The following CTNS variants were observed in gnomAD, a reference collection of about 807,000 sequenced individuals.
CTNS encodes cystinosin, lysosomal cystine transporter.
Under a neutral mutation model 43.7 loss-of-function variants are expected in CTNS, and 27 were observed. The ratio of observed to expected loss-of-function variants is 0.62; its 90% CI spans 0.46 to 0.85. CTNS has a LOEUF of 0.85. Among genes scored for constraint, CTNS ranks in the 40% least tolerant of loss-of-function variants. The probability of loss-of-function intolerance (pLI) is 0.00; values close to 1 mark genes in which losing one functional copy is unlikely to be tolerated. For missense variants in CTNS, 457 were observed against 475.4 expected (o/e 0.96, Z 0.36); for synonymous variants, 187 against 190.6 (o/e 0.98, Z 0.16).
At chr17:3,647,582 GC>G (rs2075874822) in intron 4 of CTNS, 60 bp downstream of exon 4, 1 of 1,416,236 alleles carries the variant, frequency 7.1e-7, no homozygotes, top group African/African-American at 1.4e-5. Flanking sequence ...CTGGGTCAGG[GC>G]TGACCCCTGG....
At chr17:3,651,979 AAAAG>A (rs2071438031) in intron 5 of CTNS, among the ~76,000 whole-genome samples, 1 of 121,648 alleles carries the variant, frequency 8.2e-6, no homozygotes, top group African/African-American at 7.1e-5. Context: ...GTCTCAAAAA[AAAAG>A]AAAAGAAAAG....
intron 9 of CTNS, chr17:3,657,495 G>T (rs2076179476): frequency 4.6e-6 from 1 of 217,330 alleles, no homozygotes; most frequent in Admixed American, 5.2e-5. Context: ...AACCTTCTAG[G>T]CTTTCTTAGC....
intron 4 of CTNS, among the ~76,000 whole-genome samples, chr17:3,648,303 A>G (rs2075893472): frequency 6.6e-6 from 1 of 151,982 alleles, no homozygotes; most frequent in Non-Finnish European, 1.5e-5. Flanking sequence ...TCTTACCACA[A>G]CTGTCCAGGC....
intron 10 of CTNS, among the ~76,000 whole-genome samples, chr17:3,658,608 G>A (rs988929597): frequency 3.9e-5 from 6 of 152,208 alleles, no homozygotes; most frequent in Non-Finnish European, 2.9e-5. Context: ...GGGGACTCAG[G>A]GTCCAGCACA....
upstream of CTNS, chr17:3,636,488 C>A (rs1023965026): frequency 4.6e-6 from 2 of 433,924 alleles, no homozygotes; most frequent in Non-Finnish European, 4.1e-6. Context: ...CAATGGAGGG[C>A]GGTCTGAGCT....
At chr17:3,646,073 C>T (rs2075836375) in intron 3 of CTNS, among the ~76,000 whole-genome samples, 1 of 151,998 alleles carries the variant, frequency 6.6e-6, no homozygotes, top group African/African-American at 2.4e-5. Context: ...GCACCTGCTT[C>T]CCCGCCCGGC....
rs1380390999 is a variant in CTNS at position 3,662,014 on chromosome 17, A to ATGAT, written c.*1649_*1652dup. Among the ~76,000 whole-genome samples, 10 of 152,210 alleles carry ATGAT rather than the reference A, an allele frequency of 6.6e-5. No individual in the cohort carries two copies. Among genetic ancestry groups the ATGAT allele is most frequent in the Non-Finnish European group, 1.5e-4 (10 of 68,028 alleles). ...CTACTTTAAAAATCAGAGATTTCAA[A>ATGAT]TGATTGACTTTTCCGGCTGAGTGCG... On this transcript the variant is annotated 3_prime_UTR_variant, in exon 12 of 12. Transcript: ENST00000046640.
At chr17:3,642,147 G>GTCTGCGCGCA (rs2075734815) in intron 3 of CTNS, among the ~76,000 whole-genome samples, 1 of 65,016 alleles carries the variant, frequency 1.5e-5, no homozygotes, top group East Asian at 2.9e-4. Flanking sequence ...CCGGGCGTGT[G>GTCTGCGCGCA]TGTGTGTGTG....
At chr17:3,656,817 C>A (rs370832972) in intron 9 of CTNS, 22 bp downstream of exon 9, 25 of 1,612,484 alleles carry the variant, frequency 1.6e-5, no homozygotes, top group African/African-American at 4.0e-5. Flanking sequence ...CCTGGCCCCC[C>A]ACAGGCCACC....
chr17:3,643,368 C>A (rs992426199), intron 3 of CTNS, among the ~76,000 whole-genome samples: 1 of 151,974 alleles, frequency 6.6e-6, no homozygotes, highest in Non-Finnish European at 1.5e-5. Context: ...AAAATGGGAG[C>A]TCGGTGTATA....
chr17:3,658,795 T>G (rs1022437858), intron 10 of CTNS, among the ~76,000 whole-genome samples: 3 of 152,180 alleles, frequency 2.0e-5, no homozygotes, highest in Admixed American at 6.5e-5. Context: ...GAGGCAGGAC[T>G]GGACTCTTAG....
At chr17:3,655,125 G>A (rs1234746006) in intron 6 of CTNS, 24 bp downstream of exon 6, 1 of 1,613,650 alleles carries the variant, frequency 6.2e-7, no homozygotes, top group East Asian at 2.2e-5. Context: ...AGGGTGTGCG[G>A]GCCTCACGTG....
chr17:3,656,452 C>T (rs746276803), intron 7 of CTNS, 35 bp from the exon 8 acceptor site: 22 of 1,429,670 alleles, frequency 1.5e-5, no homozygotes, highest in Non-Finnish European at 2.1e-5. Context: ...CCAGTCTTCA[C>T]CCCCTGCCCT....
chr17:3,662,748 C>CT lies in CTNS; in HGVS notation c.*2382dup, dbSNP rs2076294713. On this transcript the variant is annotated 3_prime_UTR_variant, in exon 12 of 12. Transcript: ENST00000046640. ...CTGCTGCGGCTCCACCAGCCCCGGG[C>CT]TTTCAGGCAGGTGGGCCTGGGAGTA... is the stretch of plus-strand genomic sequence containing the variant. The CT allele has an allele frequency of 2.1e-5, 1 of 47,306 alleles. No individual in the cohort carries two copies. The highest frequency in any genetic ancestry group is 6.4e-5 in the Non-Finnish European group (1 of 15,646). 2.9% of individuals were successfully genotyped at this position (47,306 alleles called of 1,614,324 possible).
chr17:3,639,753 T>C (rs552915843), intron 2 of CTNS, among the ~76,000 whole-genome samples: 2 of 152,142 alleles, frequency 1.3e-5, no homozygotes, highest in South Asian at 2.1e-4. Context: ...GCCCTTAGAC[T>C]CTTATCCCAG....
Position 3,662,734 on chromosome 17 carries a change from C to T in CTNS, c.*2365C>T, listed in dbSNP as rs2142989759. Among the ~76,000 whole-genome samples the T allele has an allele frequency of 1.2e-5, 1 of 82,478 alleles. No homozygotes were observed. The highest frequency in any genetic ancestry group is 3.8e-4 in the South Asian group (1 of 2,598). The allele number at this position is 82,478 out of a possible 152,430, so 54.1% of individuals were successfully genotyped here. A position where few individuals can be genotyped will look rare whatever the true frequency, so the allele number is the denominator to read the frequency against. The stretch of plus-strand genomic sequence containing the variant: ...CAGGCGCAGTGCAGCTGCTGCGGCT[C>T]CACCAGCCCCGGGCTTTCAGGCAGG... On this transcript the variant is annotated 3_prime_UTR_variant, in exon 12 of 12. Transcript: ENST00000046640.
In CTNS at chr17:3,656,492, T is replaced by C; in HGVS notation, c.467T>C (p.Ile156Thr). The C allele has an allele frequency of 6.3e-7, 1 of 1,593,414 alleles. No homozygotes were observed. Reference protein sequence around the residue: ...VIMNWRRKSVIGLSFDFVALN... With the variant: ...VIMNWRRKSVTGLSFDFVALN... ...TGTCCCTCCACCCCCTGCAGTGTCA[T>C]TGGTCTGAGCTTCGACTTCGTGGCT... The change falls in exon 8 of 12, where the codon ATT becomes ACT. Residue 156 changes from isoleucine to threonine, a missense_variant. Ile to Thr is a moderately conservative substitution (Grantham distance 89, BLOSUM62 -1). Transcript: ENST00000046640.
chr17:3,658,173 CA>C lies in CTNS; in HGVS notation c.851del (p.Gln284ArgfsTer4), dbSNP rs2076200436. ...AGTCACGCTGGTCAAGTATTTTCCA[CA>C]GGTACCTCCAGGGCCCTGTTCACAT... Reference protein sequence around the residue: ...LAVTLVKYFPQAYMNFYYKST... With the variant: ...LAVTLVKYFPXAYMNFYYKST... On this transcript the variant is annotated frameshift_variant and splice_region_variant, in exon 10 of 12. Transcript: ENST00000046640. LOFTEE classifies it high-confidence loss of function. The C allele has an allele frequency of 1.2e-6, 2 of 1,611,932 alleles. No homozygotes were observed. The highest frequency in any genetic ancestry group is 1.7e-6 in the Non-Finnish European group (2 of 1,179,944).
intron 2 of CTNS, among the ~76,000 whole-genome samples, chr17:3,638,991 C>T (rs997040292): frequency 3.3e-5 from 5 of 152,084 alleles, no homozygotes; most frequent in African/African-American, 7.2e-5. Context: ...CTGGAGGAGA[C>T]GGGCCAACAG....
Sources: gnomAD v4.1 joint callset for allele counts (sites outside exome capture counted in the v4.1 genomes callset) on GRCh38, gnomAD v4.1.1 for gene constraint, MANE v1.5 for transcripts, NCBI Gene and HGNC (gene_info 2026-07-23, HGNC 2026-07-21) for gene names.